The following GRIP1 variants were observed in gnomAD, a reference collection of about 807,000 sequenced individuals.
GRIP1 encodes the protein glutamate receptor-interacting protein 1.
GRIP1 carries 45 observed loss-of-function variants against 129.9 expected under a neutral mutation model. The observed-to-expected ratio is 0.35, with a 90% CI of 0.27 to 0.44. GRIP1 has a LOEUF of 0.44. Among genes scored for constraint, GRIP1 ranks in the 20% least tolerant of loss-of-function variants. GRIP1 has a pLI of 1.00. For synonymous variants in GRIP1, 530 were observed against 520.8 expected, an observed-to-expected ratio of 1.02 and a Z score of -0.24; for missense variants, 1,196 against 1,396.8, an observed-to-expected ratio of 0.86 and a Z score of 2.29.
chr12:67,041,408 G>A (rs1249125566), intron 1 of GRIP1, among the ~76,000 whole-genome samples: 3 of 152,194 alleles, frequency 2.0e-5, no homozygotes, highest in Middle Eastern at 3.4e-3. Context: ...AGAGAGAGAA[G>A]AGAGAGAGAT....
chr12:66,373,184 T>C (rs1411448822), intron 22 of GRIP1, among the ~76,000 whole-genome samples: 14 of 152,112 alleles, frequency 9.2e-5, no homozygotes, highest in African/African-American at 3.1e-4. Flanking sequence ...CTGCCTTCTT[T>C]GTTCAAGCAA....
chr12:66,999,523 T>C (rs573803475), intron 1 of GRIP1, among the ~76,000 whole-genome samples: 3 of 152,226 alleles, frequency 2.0e-5, no homozygotes, highest in African/African-American at 7.2e-5. Context: ...AATGAAAATT[T>C]TGACCAAGTT....
At chr12:66,356,081 C>T (rs958321340) in intron 23 of GRIP1, among the ~76,000 whole-genome samples, 1 of 152,188 alleles carries the variant, frequency 6.6e-6, no homozygotes, top group Non-Finnish European at 1.5e-5. Flanking sequence ...CTTCTGGTAC[C>T]AGGGCCAGGC....
chr12:67,000,333 A>G (rs76996199), intron 1 of GRIP1, among the ~76,000 whole-genome samples: 4,486 of 152,282 alleles, frequency 0.029, 102 homozygotes, highest in South Asian at 0.096. Context: ...AGATCATGTT[A>G]AGATTTAGCT....
chr12:66,505,617 A>G (rs2060505942), intron 7 of GRIP1, among the ~76,000 whole-genome samples: 1 of 152,152 alleles, frequency 6.6e-6, no homozygotes, highest in African/African-American at 2.4e-5. Flanking sequence ...GGTGTGGGGA[A>G]CCCAAGAGCA....
At position 66,815,854 on chromosome 12, in the gene GRIP1, T is replaced by TTCTTTCTTTCTTTCTC. The variant is rs1555241802; in HGVS notation, c.59-218928_59-218927insGAGAAAGAAAGAAAGA. Among the ~76,000 whole-genome samples, 798 of 116,788 alleles carry TTCTTTCTTTCTTTCTC rather than the reference T, an allele frequency of 6.8e-3. 6 individuals are homozygous for TTCTTTCTTTCTTTCTC. Among genetic ancestry groups the TTCTTTCTTTCTTTCTC allele is most frequent in the South Asian group, 0.019 (57 of 3,032 alleles). 76.6% of individuals were successfully genotyped at this position (116,788 alleles called of 152,430 possible). On this transcript the variant is annotated intron_variant, in intron 1 of 1. Transcript: ENST00000643019. ...TTTCTTTCTTTCTTTCTTTCTTTCT[T>TTCTTTCTTTCTTTCTC]TCTCTCTCTCTCTCTCTCTCTCTCT...
At chr12:66,862,978 G>A (rs548287968) in intron 1 of GRIP1, among the ~76,000 whole-genome samples, 3 of 151,906 alleles carry the variant, frequency 2.0e-5, no homozygotes, top group South Asian at 2.1e-4. Flanking sequence ...TTGAAACACC[G>A]AGACAAAACA....
intron 1 of GRIP1, among the ~76,000 whole-genome samples, chr12:66,814,599 A>G (rs879608120): frequency 6.6e-6 from 1 of 152,006 alleles, no homozygotes; most frequent in Non-Finnish European, 1.5e-5. Flanking sequence ...TAAAAAAAAA[A>G]AAAAAAAGCA....
chr12:66,928,530 T>TA (rs34464948), intron 1 of GRIP1, among the ~76,000 whole-genome samples: 58 of 151,370 alleles, frequency 3.8e-4, no homozygotes, highest in South Asian at 1.0e-3. Context: ...TTCATTCATT[T>TA]AAAAAAAAAG....
At chr12:66,637,032 A>G (rs1778871679) in intron 1 of GRIP1, among the ~76,000 whole-genome samples, 1 of 152,162 alleles carries the variant, frequency 6.6e-6, no homozygotes, top group Non-Finnish European at 1.5e-5. Flanking sequence ...CTGGTCCAGC[A>G]CAGCTGCACT....
intron 1 of GRIP1, among the ~76,000 whole-genome samples, chr12:66,693,085 TGTTATAATA>T (rs1416081136): frequency 1.3e-5 from 2 of 152,138 alleles, no homozygotes; most frequent in Non-Finnish European, 2.9e-5. Context: ...CTATGAATGT[TGTTATAATA>T]GTAACCAATA....
intron 1 of GRIP1, among the ~76,000 whole-genome samples, chr12:66,842,906 A>G (rs2039747007): frequency 6.6e-6 from 1 of 152,160 alleles, no homozygotes; most frequent in Admixed American, 6.6e-5. Flanking sequence ...TTTTAGGATC[A>G]AAGAAAAGGT....
At chr12:66,667,133 T>C (rs1273215105) in intron 1 of GRIP1, among the ~76,000 whole-genome samples, 1 of 152,194 alleles carries the variant, frequency 6.6e-6, no homozygotes, top group Non-Finnish European at 1.5e-5. Context: ...TTTCCCCTTT[T>C]CTCGTCTGCT....
intron 1 of GRIP1, among the ~76,000 whole-genome samples, chr12:66,991,766 A>G (rs11176522): frequency 0.073 from 11,145 of 152,298 alleles, 425 homozygotes; most frequent in East Asian, 0.15. Flanking sequence ...ATAATTAGCA[A>G]TAAGTATATT....
chr12:66,447,627 T>A (rs1246429153), intron 11 of GRIP1, among the ~76,000 whole-genome samples: 1 of 152,170 alleles, frequency 6.6e-6, no homozygotes, highest in Non-Finnish European at 1.5e-5. Flanking sequence ...TTCCTTCCAT[T>A]TCAAGGCTAA....
At chr12:66,454,130 G>A (rs150288252) in intron 11 of GRIP1, among the ~76,000 whole-genome samples, 36 of 152,326 alleles carry the variant, frequency 2.4e-4, no homozygotes, top group Non-Finnish European at 4.1e-4. Context: ...GGAGTTCACT[G>A]TAGGGAAAGC....
At chr12:66,593,840 G>A (rs2063934460) in intron 2 of GRIP1, among the ~76,000 whole-genome samples, 1 of 151,986 alleles carries the variant, frequency 6.6e-6, no homozygotes, top group Admixed American at 6.6e-5. Context: ...AGGCTGAGGT[G>A]GGCGGATCAC....
intron 1 of GRIP1, among the ~76,000 whole-genome samples, chr12:66,786,837 T>C (rs931805576): frequency 6.6e-6 from 1 of 152,162 alleles, no homozygotes; most frequent in African/African-American, 2.4e-5. Context: ...TAACAAATGA[T>C]CTTTGCTTTT....
intron 1 of GRIP1, among the ~76,000 whole-genome samples, chr12:66,723,306 T>C (rs71435317): frequency 0.26 from 8,746 of 33,354 alleles, 971 homozygotes; most frequent in African/African-American, 0.38. Context: ...CTTTCTTTCT[T>C]TTTTTTTTTT....
Sources: gnomAD v4.1 joint callset for allele counts (sites outside exome capture counted in the v4.1 genomes callset) on GRCh38, gnomAD v4.1.1 for gene constraint, MANE v1.5 for transcripts, NCBI Gene and HGNC (gene_info 2026-07-23, HGNC 2026-07-21) for gene names.